Variants in EPHA6 observed in about 807,000 individuals in gnomAD.
EPHA6 encodes the protein ephrin type-A receptor 6.
In EPHA6, 50 loss-of-function variants were observed where a neutral mutation model predicts 112.0. That is an observed-to-expected ratio of 0.45 (90% CI 0.36 to 0.56). The LOEUF (loss-of-function observed/expected upper bound fraction) is 0.56, where lower values mean the gene tolerates loss of function less well. Among genes scored for constraint, EPHA6 ranks in the 20% least tolerant of loss-of-function variants. EPHA6 has a pLI of 0.00. For synonymous variants in EPHA6, 529 were observed against 490.7 expected (o/e 1.08, Z -1.03); for missense variants, 1,280 against 1,417.4 (o/e 0.90, Z 1.56).
At chr3:97,704,585 C>T (rs62262817) in intron 14 of EPHA6, among the ~76,000 whole-genome samples, 2,437 of 152,206 alleles carry the variant, frequency 0.016, 29 homozygotes, top group Middle Eastern at 0.044. Flanking sequence ...TGTCCATATC[C>T]TATTGGTTCT....
intron 3 of EPHA6, chr3:97,009,930 G>A (rs901377968): frequency 1.6e-5 from 8 of 489,604 alleles, no homozygotes; most frequent in Non-Finnish European, 2.7e-5. Context: ...AGTCAATTTT[G>A]ATGAGAGAAC....
chr3:97,087,536 G>A (rs1180882451), intron 3 of EPHA6, among the ~76,000 whole-genome samples: 2 of 152,170 alleles, frequency 1.3e-5, no homozygotes, highest in Non-Finnish European at 2.9e-5. Flanking sequence ...AGCTAGGCAG[G>A]TGGGTGTTCA....
At chr3:97,359,949 C>CGGCT (rs1475758710) in intron 5 of EPHA6, among the ~76,000 whole-genome samples, 3 of 151,934 alleles carry the variant, frequency 2.0e-5, no homozygotes, top group African/African-American at 7.3e-5. Flanking sequence ...CTTTCATGTA[C>CGGCT]GGCTCCCAAA....
chr3:96,911,752 G>A (rs909646921), intron 2 of EPHA6, among the ~76,000 whole-genome samples: 1 of 151,946 alleles, frequency 6.6e-6, no homozygotes, highest in Non-Finnish European at 1.5e-5. Flanking sequence ...CTATAGCCTA[G>A]TAATGATTGG....
intron 3 of EPHA6, among the ~76,000 whole-genome samples, chr3:97,074,445 ATATCCTTGGAT>A (rs2046454031): frequency 6.6e-6 from 1 of 151,954 alleles, no homozygotes; most frequent in Non-Finnish European, 1.5e-5. Flanking sequence ...ATTAAATAAT[ATATCCTTGGAT>A]AATCTGTTCA....
At chr3:97,337,096 A>G (rs1437874320) in intron 5 of EPHA6, among the ~76,000 whole-genome samples, 1 of 152,154 alleles carries the variant, frequency 6.6e-6, no homozygotes, top group East Asian at 1.9e-4. Flanking sequence ...AATCTTTTAT[A>G]AAATACAAAG....
chr3:97,722,325 G>A (rs1047938882), intron 15 of EPHA6, among the ~76,000 whole-genome samples: 1 of 152,140 alleles, frequency 6.6e-6, no homozygotes, highest in Admixed American at 6.5e-5. Flanking sequence ...CTAGGAACTA[G>A]GCTTTCACCA....
At chr3:97,097,059 C>T (rs931593559) in intron 3 of EPHA6, among the ~76,000 whole-genome samples, 2 of 150,882 alleles carry the variant, frequency 1.3e-5, no homozygotes, top group Non-Finnish European at 3.0e-5. Context: ...TAATGTTTAT[C>T]ATTAAAGCAG....
At chr3:97,002,122 A>T (rs898830546) in intron 3 of EPHA6, among the ~76,000 whole-genome samples, 1 of 151,908 alleles carries the variant, frequency 6.6e-6, no homozygotes, top group African/African-American at 2.4e-5. Context: ...CTCGTAATTA[A>T]GGAGCCTATA....
intron 6 of EPHA6, among the ~76,000 whole-genome samples, chr3:97,429,226 C>T (rs2089349485): frequency 1.3e-5 from 2 of 152,056 alleles, no homozygotes; most frequent in African/African-American, 2.4e-5. Context: ...ATTATAGAAA[C>T]ATAAATTTGG....
chr3:97,079,606 T>TAAAAAAAAA (rs71113851), intron 3 of EPHA6, among the ~76,000 whole-genome samples: 9 of 113,268 alleles, frequency 7.9e-5, no homozygotes, highest in African/African-American at 5.5e-5. Flanking sequence ...AAATTAAAAG[T>TAAAAAAAAA]AAAAAAAAAA....
At chr3:96,884,492 A>G (rs971674454) in intron 2 of EPHA6, among the ~76,000 whole-genome samples, 2 of 152,112 alleles carry the variant, frequency 1.3e-5, no homozygotes, top group Non-Finnish European at 2.9e-5. Context: ...CAGCTATTGT[A>G]CAAGGAGTTG....
chr3:97,170,446 GAAAT>G (rs1219049328), intron 3 of EPHA6, among the ~76,000 whole-genome samples: 2 of 152,038 alleles, frequency 1.3e-5, no homozygotes, highest in Non-Finnish European at 2.9e-5. Flanking sequence ...AAGAGATTAA[GAAAT>G]ATGGAGCCAG....
chr3:97,308,647 C>T (rs977848670), intron 5 of EPHA6, among the ~76,000 whole-genome samples: 4 of 151,644 alleles, frequency 2.6e-5, no homozygotes, highest in African/African-American at 9.7e-5. Flanking sequence ...ATGAATACTC[C>T]CTCTCTGTAC....
In EPHA6 at chr3:97,300,833, T is replaced by TA. The variant is rs375057954; in HGVS notation, c.1606+56557dup. On this transcript the variant is annotated intron_variant, in intron 5 of 17. Coordinates refer to ENST00000389672, the MANE Select transcript of EPHA6 (RefSeq NM_001080448.3). ...GTTCAAGTCATAACAAAAGGAAATT[T>TA]AAAAAAAAAAAGTAGTAGTTCTATC... 3.7e-3 allele frequency among the ~76,000 whole-genome samples: 539 copies of TA among 147,442 alleles called. 3 individuals are homozygous for TA. Among genetic ancestry groups the TA allele is most frequent in the African/African-American group, 0.012 (480 of 40,508 alleles).
At chr3:96,947,944 A>G (rs1443066992) in intron 2 of EPHA6, among the ~76,000 whole-genome samples, 1 of 152,194 alleles carries the variant, frequency 6.6e-6, no homozygotes, top group Non-Finnish European at 1.5e-5. Flanking sequence ...TTGCCAAGAC[A>G]GTCCTAAGCC....
intron 5 of EPHA6, among the ~76,000 whole-genome samples, chr3:97,332,083 G>C (rs900552134): frequency 6.6e-6 from 1 of 152,072 alleles, no homozygotes; most frequent in Admixed American, 6.6e-5. Context: ...TTCATCCCTG[G>C]GATGCAAGGG....
At chr3:96,952,455 G>A (rs2041585295) in intron 2 of EPHA6, among the ~76,000 whole-genome samples, 1 of 152,288 alleles carries the variant, frequency 6.6e-6, no homozygotes, top group Non-Finnish European at 1.5e-5. Context: ...TCTTGTGAGA[G>A]TAGGTTATTA....
At chr3:97,658,797 A>G (rs1404959903) in intron 14 of EPHA6, among the ~76,000 whole-genome samples, 1 of 151,924 alleles carries the variant, frequency 6.6e-6, no homozygotes, top group Non-Finnish European at 1.5e-5. Flanking sequence ...TAAAAGCATG[A>G]TAAAACAACA....
Sources: gnomAD v4.1 joint callset for allele counts (sites outside exome capture counted in the v4.1 genomes callset) on GRCh38, gnomAD v4.1.1 for gene constraint, MANE v1.5 for transcripts, NCBI Gene and HGNC (gene_info 2026-07-23, HGNC 2026-07-21) for gene names.